The following IQCM variants were observed in gnomAD, a reference collection of about 807,000 sequenced individuals.
The protein encoded by IQCM is IQ domain-containing protein M.
A neutral mutation model predicts 57.6 loss-of-function variants in IQCM; 45 were observed. The observed-to-expected ratio is 0.78, with a 90% CI of 0.62 to 1.00. IQCM has a LOEUF of 1.00. Among genes scored for constraint, IQCM ranks in the 50% least tolerant of loss-of-function variants. IQCM has a pLI of 0.00. For missense variants in IQCM, 468 were observed against 511.6 expected (o/e 0.91, Z 0.82); for synonymous variants, 148 against 158.9 (o/e 0.93, Z 0.51).
At chr4:149,752,174 A>G (rs1342179601) in intron 2 of IQCM, among the ~76,000 whole-genome samples, 1 of 151,966 alleles carries the variant, frequency 6.6e-6, no homozygotes, top group East Asian at 1.9e-4. Flanking sequence ...TAGCATTTAC[A>G]TCTTTCTAGA....
At chr4:149,636,866 G>A (rs558443468) in intron 7 of IQCM, among the ~76,000 whole-genome samples, 24 of 152,226 alleles carry the variant, frequency 1.6e-4, no homozygotes, top group African/African-American at 5.5e-4. Flanking sequence ...TTTAGCGGCC[G>A]GGCGCGGTGG....
intron 6 of IQCM, among the ~76,000 whole-genome samples, chr4:149,685,905 A>T (rs554595948): frequency 6.6e-6 from 1 of 151,494 alleles, no homozygotes; most frequent in Non-Finnish European, 1.5e-5. Flanking sequence ...CACTTTTGGA[A>T]AGCAGAGGCA....
chr4:149,413,428 A>T (rs993714947), intron 13 of IQCM, among the ~76,000 whole-genome samples: 2 of 152,138 alleles, frequency 1.3e-5, no homozygotes, highest in Non-Finnish European at 2.9e-5. Flanking sequence ...GCTGACGCTG[A>T]GATAGGGTGG....
At chr4:149,417,414 C>T (rs953969344) in intron 13 of IQCM, among the ~76,000 whole-genome samples, 1 of 151,988 alleles carries the variant, frequency 6.6e-6, no homozygotes, top group Admixed American at 6.6e-5. Flanking sequence ...GTTTACGTGC[C>T]AGGAGGACAT....
chr4:149,443,571 G>T (rs1049278757), intron 12 of IQCM, among the ~76,000 whole-genome samples: 1 of 151,284 alleles, frequency 6.6e-6, no homozygotes, highest in Admixed American at 6.6e-5. Flanking sequence ...ACCTCTTCTT[G>T]GAATAAAACG....
intron 10 of IQCM, among the ~76,000 whole-genome samples, chr4:149,561,658 A>G (rs1299938383): frequency 2.6e-5 from 4 of 152,220 alleles, no homozygotes; most frequent in Non-Finnish European, 5.9e-5. Flanking sequence ...ATATGTATAC[A>G]AAGAGATAAA....
At chr4:149,797,829 A>G (rs770710396) in intron 2 of IQCM, among the ~76,000 whole-genome samples, 1 of 151,976 alleles carries the variant, frequency 6.6e-6, no homozygotes, top group Non-Finnish European at 1.5e-5. Context: ...ATAGCATACT[A>G]TGATAAAAAA....
intron 12 of IQCM, among the ~76,000 whole-genome samples, chr4:149,506,416 C>A (rs775718148): frequency 1.3e-5 from 2 of 152,120 alleles, no homozygotes; most frequent in Non-Finnish European, 2.9e-5. Context: ...GAGAAGAGTG[C>A]AACAAGAGTA....
intron 12 of IQCM, among the ~76,000 whole-genome samples, chr4:149,434,525 A>G (rs1009306917): frequency 5.9e-5 from 9 of 152,142 alleles, no homozygotes; most frequent in Non-Finnish European, 1.2e-4. Context: ...CCAATTACAT[A>G]TATTTCCCTC....
chr4:149,437,911 G>T lies in IQCM; in HGVS notation c.1229-4354C>A, dbSNP rs538014540. Among the ~76,000 whole-genome samples, 74 of 152,066 alleles carry T rather than the reference G, an allele frequency of 4.9e-4. 1 individual carries two copies. In the South Asian group the frequency reaches 0.015, roughly 32 times the overall value. On this transcript the variant is annotated intron_variant, in intron 12 of 13. Transcript: ENST00000636793. ...ACCCTGGAGATTCCTAAATTTCCAG[G>T]ATATTTTAAAGTTTCAAGTTCTTTC... is the stretch of plus-strand genomic sequence containing the variant.
chr4:149,588,022 A>G, intron 8 of IQCM, 25 bp from the exon 9 acceptor site: 1 of 1,080,578 alleles, frequency 9.3e-7, no homozygotes, highest in South Asian at 4.7e-5. Context: ...AGAAGAGTTG[A>G]CATAAGTAGA....
chr4:149,688,703 A>G lies in IQCM; in HGVS notation c.386-2235T>C, dbSNP rs541873752. ...GCATCAGACTACCTGATTTCAAACT[A>G]TACTATAAGGCCATAGTCACCAAAA... On this transcript the variant is annotated intron_variant, in intron 5 of 13. Coordinates refer to ENST00000636793, the MANE Select transcript of IQCM (RefSeq NM_001363507.2). Among the ~76,000 whole-genome samples the G allele has an allele frequency of 2.0e-5, 3 of 152,218 alleles. No homozygotes were observed. The South Asian group carries it at 6.2e-4, about 32-fold the overall frequency.
intron 7 of IQCM, among the ~76,000 whole-genome samples, chr4:149,629,983 T>TG (rs962863132): frequency 5.5e-4 from 4 of 7,278 alleles, no homozygotes; most frequent in African/African-American, 1.1e-3. Flanking sequence ...GGGTGTGGGG[T>TG]GGGGGGGTGG....
intron 5 of IQCM, among the ~76,000 whole-genome samples, chr4:149,707,104 A>G (rs557726801): frequency 6.6e-6 from 1 of 152,142 alleles, no homozygotes; most frequent in African/African-American, 2.4e-5. Flanking sequence ...AGAGCAATAA[A>G]TAAAGTAATG....
chr4:149,477,927 T>C (rs1335389891), intron 12 of IQCM, among the ~76,000 whole-genome samples: 2 of 151,872 alleles, frequency 1.3e-5, no homozygotes, highest in African/African-American at 4.8e-5. Flanking sequence ...ATCTCTGGCA[T>C]GGATTCAAAT....
At chr4:149,436,600 G>T (rs950280717) in intron 12 of IQCM, among the ~76,000 whole-genome samples, 1 of 151,984 alleles carries the variant, frequency 6.6e-6, no homozygotes, top group Non-Finnish European at 1.5e-5. Flanking sequence ...CATTTCAAAA[G>T]GCATATAGCT....
intron 12 of IQCM, among the ~76,000 whole-genome samples, chr4:149,522,809 G>T (rs1745788490): frequency 6.6e-6 from 1 of 152,072 alleles, no homozygotes; most frequent in Non-Finnish European, 1.5e-5. Flanking sequence ...CAAGTTGAAA[G>T]AATTTATAAA....
At chr4:149,649,278 T>C (rs904742305) in intron 7 of IQCM, among the ~76,000 whole-genome samples, 1 of 152,014 alleles carries the variant, frequency 6.6e-6, no homozygotes, top group African/African-American at 2.4e-5. Flanking sequence ...TCTAGTTTGC[T>C]CTCACCCTGG....
intron 12 of IQCM, among the ~76,000 whole-genome samples, chr4:149,450,838 G>A (rs1053500014): frequency 6.6e-6 from 1 of 151,664 alleles, no homozygotes. Context: ...GCTACCATAC[G>A]ATCTAGCAAT....
Sources: gnomAD v4.1 joint callset for allele counts (sites outside exome capture counted in the v4.1 genomes callset) on GRCh38, gnomAD v4.1.1 for gene constraint, MANE v1.5 for transcripts, NCBI Gene and HGNC (gene_info 2026-07-23, HGNC 2026-07-21) for gene names.